Variants in EYS observed in about 807,000 individuals in gnomAD.
The protein encoded by EYS is protein eyes shut homolog.
In EYS, 250 loss-of-function variants were observed where a neutral mutation model predicts 282.1. That is an observed-to-expected ratio of 0.89 (90% CI 0.80 to 0.98). EYS has a LOEUF of 0.98. Among genes scored for constraint, EYS ranks in the 50% least tolerant of loss-of-function variants. The pLI is 0.00. For missense variants in EYS, 4,016 were observed against 3,709.0 expected (o/e 1.08, Z -2.15); for synonymous variants, 1,355 against 1,282.9 (o/e 1.06, Z -1.20).
chr6:64,344,326 G>A (rs529053307), intron 29 of EYS, among the ~76,000 whole-genome samples: 20 of 151,844 alleles, frequency 1.3e-4, no homozygotes, highest in South Asian at 6.2e-4. Flanking sequence ...CTGGCAAACC[G>A]AATCCAGCAG....
In EYS at chr6:64,107,244, G is replaced by GATATAT. The variant is rs142675391; in HGVS notation, c.6425-25248_6425-25243dup. Among the ~76,000 whole-genome samples the GATATAT allele has an allele frequency of 8.0e-4, 99 of 124,484 alleles. 2 individuals are homozygous for GATATAT. Among genetic ancestry groups the GATATAT allele is most frequent in the African/African-American group, 2.9e-3 (91 of 31,474 alleles). The allele number at this position is 124,484 out of a possible 152,430, so 81.7% of individuals were successfully genotyped here. A position where few individuals can be genotyped will look rare whatever the true frequency, so the allele number is the denominator to read the frequency against. Reference sequence around the variant, plus strand: ...CTCTAGAGGAACAGAACTAGTAGGAGATATATATATATATATGTGTGTGTG... The same window carrying GATATAT: ...CTCTAGAGGAACAGAACTAGTAGGAGATATATATATATATATATATATGTGTGTGTG... On this transcript the variant is annotated intron_variant, in intron 31 of 42. Transcript: ENST00000503581.
At chr6:65,015,567 T>A (rs1378171472) in intron 13 of EYS, among the ~76,000 whole-genome samples, 1 of 152,196 alleles carries the variant, frequency 6.6e-6, no homozygotes, top group African/African-American at 2.4e-5. Context: ...AATGCTGCTT[T>A]ATTTCTTTGA....
rs887822505 is a variant in EYS at position 64,168,125 on chromosome 6, G to T, written c.6424+62467C>A. On this transcript the variant is annotated intron_variant, in intron 31 of 42. Transcript: ENST00000503581. Reference sequence around the variant, plus strand: ...AAAATACAAAAGATTAGCCGAGCGTGGTGCGGAGGCCTGTAGTCCCAGCTA... The same window carrying T: ...AAAATACAAAAGATTAGCCGAGCGTTGTGCGGAGGCCTGTAGTCCCAGCTA... 8.5e-5 allele frequency among the ~76,000 whole-genome samples: 13 copies of T among 152,154 alleles called. 1 individual carries two copies. The highest frequency in any genetic ancestry group is 2.7e-4 in the African/African-American group (11 of 41,432).
chr6:65,151,442 T>C (rs1267794656), intron 12 of EYS, among the ~76,000 whole-genome samples: 1 of 151,968 alleles, frequency 6.6e-6, no homozygotes, highest in Admixed American at 6.6e-5. Flanking sequence ...TTTAAGATTG[T>C]CAAGATTTGG....
chr6:65,652,031 A>AT (rs1312806805), intron 1 of EYS, among the ~76,000 whole-genome samples: 1 of 151,872 alleles, frequency 6.6e-6, no homozygotes, highest in Non-Finnish European at 1.5e-5. Context: ...TAGAAGCTCC[A>AT]TTTTTTTCTG....
rs779607880 is a variant in EYS at position 64,604,504 on chromosome 6, T to C, written c.3685-11195A>G. On this transcript the variant is annotated intron_variant, in intron 24 of 42. Coordinates refer to ENST00000503581, the MANE Select transcript of EYS (RefSeq NM_001142800.2). Reference sequence around the variant, plus strand: ...ACAGAGTAGAAGCACACAAGCTCCATCTAAGTTTTATGGGGTGACAACAAT... The same window carrying C: ...ACAGAGTAGAAGCACACAAGCTCCACCTAAGTTTTATGGGGTGACAACAAT... 4.7e-4 allele frequency among the ~76,000 whole-genome samples: 71 copies of C among 152,044 alleles called. 1 individual carries two copies. Among genetic ancestry groups the C allele is most frequent in the Non-Finnish European group, 2.9e-4 (20 of 67,924 alleles).
At chr6:64,501,028 GTTTT>G (rs35021721) in intron 26 of EYS, among the ~76,000 whole-genome samples, 2 of 129,810 alleles carry the variant, frequency 1.5e-5, no homozygotes, top group South Asian at 2.6e-4. Flanking sequence ...TTTTGGGAGA[GTTTT>G]TTTTTTTTTT....
In EYS at chr6:65,161,338, C is replaced by T. The variant is rs181551352; in HGVS notation, c.2024-103611G>A. Among the ~76,000 whole-genome samples, 1,023 of 151,022 alleles carry T rather than the reference C, an allele frequency of 6.8e-3. 15 individuals are homozygous for T. Among genetic ancestry groups the T allele is most frequent in the Non-Finnish European group, 4.7e-3 (318 of 67,288 alleles). On this transcript the variant is annotated intron_variant, in intron 12 of 42. Coordinates refer to ENST00000503581, the MANE Select transcript of EYS (RefSeq NM_001142800.2). ...TGTCATCCATTTCAGGAAGATTTCC[C>T]TTAAATCTCCTCTCTACTTTCCATG...
chr6:64,154,076 T>G lies in EYS; in HGVS notation c.6425-72074A>C, dbSNP rs143095734. ...TAGATATTTATTTGTTGAAATAGTA[T>G]AATAACTTATAAAGTAATAATAAAC... On this transcript the variant is annotated intron_variant, in intron 31 of 42. Transcript: ENST00000503581. Among the ~76,000 whole-genome samples the G allele has an allele frequency of 1.6e-4, 24 of 152,316 alleles. No individual in the cohort carries two copies. In the East Asian group the frequency reaches 4.6e-3, roughly 29 times the overall value.
intron 36 of EYS, 119 bp downstream of exon 36, chr6:63,864,067 C>T (rs1002811359): frequency 1.0e-6 from 1 of 985,444 alleles, no homozygotes; most frequent in African/African-American, 1.7e-5. Context: ...TGAAAAGAAC[C>T]CAGAAGAAGA....
In EYS at chr6:65,589,623, T is replaced by C. The variant is rs115241355; in HGVS notation, c.-333+50155A>G. 9.4e-3 allele frequency among the ~76,000 whole-genome samples: 1,427 copies of C among 152,058 alleles called. 16 individuals are homozygous for C. The highest frequency in any genetic ancestry group is 0.012 in the Non-Finnish European group (825 of 67,992). On this transcript the variant is annotated intron_variant, in intron 2 of 42. Coordinates refer to ENST00000503581, the MANE Select transcript of EYS (RefSeq NM_001142800.2). ...CTTATCGCTGTATTGAAGGCCCAGA[T>C]TATTATTTTTTAGAAATTGGCTACA...
intron 26 of EYS, among the ~76,000 whole-genome samples, chr6:64,528,456 G>C (rs1231671313): frequency 1.3e-5 from 2 of 151,706 alleles, no homozygotes; most frequent in Non-Finnish European, 3.0e-5. Context: ...GCCTAGTAGG[G>C]GGCTCTGTCC....
intron 22 of EYS, among the ~76,000 whole-genome samples, chr6:64,812,735 G>C (rs1475123120): frequency 6.6e-6 from 1 of 151,638 alleles, no homozygotes; most frequent in Non-Finnish European, 1.5e-5. Context: ...ACTGAAAGGA[G>C]GTCAAGTATG....
intron 30 of EYS, among the ~76,000 whole-genome samples, chr6:64,274,905 G>A (rs557614146): frequency 6.6e-6 from 1 of 152,192 alleles, no homozygotes; most frequent in South Asian, 2.1e-4. Context: ...GCCTAGTGGC[G>A]ACTATCTGGC....
intron 22 of EYS, among the ~76,000 whole-genome samples, chr6:64,767,367 T>C (rs1417683047): frequency 6.6e-6 from 1 of 152,144 alleles, no homozygotes; most frequent in Non-Finnish European, 1.5e-5. Flanking sequence ...TGCTAAAACT[T>C]ATTCCTCTTT....
Position 63,751,656 on chromosome 6 carries a change from A to T in EYS, c.8071+10805T>A, listed in dbSNP as rs146496730. The stretch of plus-strand genomic sequence containing the variant: ...ACCTAGTTACTGTAGCAAAAATGAA[A>T]GCTGAGCATCTTTCTTTGCTGAAGG... On this transcript the variant is annotated intron_variant, in intron 41 of 42. Coordinates refer to ENST00000503581, the MANE Select transcript of EYS (RefSeq NM_001142800.2). Among the ~76,000 whole-genome samples, 57 of 152,350 alleles carry T rather than the reference A, an allele frequency of 3.7e-4. No individual in the cohort carries two copies. In the East Asian group the frequency reaches 0.011, roughly 29 times the overall value.
chr6:63,927,302 G>A (rs368531498), intron 35 of EYS, among the ~76,000 whole-genome samples: 4 of 152,088 alleles, frequency 2.6e-5, no homozygotes, highest in Non-Finnish European at 5.9e-5. Flanking sequence ...GAGATAAGAG[G>A]TCATGTTGGC....
chr6:65,491,680 T>C (rs573807052), intron 4 of EYS: 1 of 370,224 alleles, frequency 2.7e-6, no homozygotes, highest in South Asian at 2.2e-5. Context: ...AAATTAACAG[T>C]ATAATGCCAA....
intron 29 of EYS, among the ~76,000 whole-genome samples, chr6:64,334,047 G>C (rs75652919): frequency 0.031 from 4,742 of 152,274 alleles, 235 homozygotes; most frequent in African/African-American, 0.11. Flanking sequence ...AGGCCTTTCA[G>C]AACCAGGTAG....
Sources: allele counts gnomAD v4.1 joint callset (sites outside exome capture counted in the v4.1 genomes callset), GRCh38; gene constraint gnomAD v4.1.1; transcripts MANE v1.5; gene names NCBI Gene and HGNC (gene_info 2026-07-23, HGNC 2026-07-21).